Variants in SIPA1L1 observed in about 807,000 individuals in gnomAD.
The protein encoded by SIPA1L1 is signal-induced proliferation-associated 1-like protein 1.
A neutral mutation model predicts 162.7 loss-of-function variants in SIPA1L1; 26 were observed. The observed-to-expected ratio is 0.16, with a 90% CI of 0.12 to 0.22. The LOEUF is 0.22. Ranked by LOEUF, SIPA1L1 falls within the 10% of genes least tolerant of loss-of-function variation. SIPA1L1 has a pLI of 1.00. For missense variants in SIPA1L1, 1,874 were observed against 2,241.0 expected, an observed-to-expected ratio of 0.84 and a Z score of 3.31; for synonymous variants, 829 against 837.4, an observed-to-expected ratio of 0.99 and a Z score of 0.17.
rs2039728354 is a variant in SIPA1L1 at position 71,624,119 on chromosome 14, C to T, written c.1701C>T (p.Gly567=). ...CAGCCAAGCACTCGACAGCCAGAGGCCTGCCTCTCAAAGAAGTGCTGGAGC... is the reference window on the plus strand; with the variant it reads ...CAGCCAAGCACTCGACAGCCAGAGGTCTGCCTCTCAAAGAAGTGCTGGAGC... ...PSTAKHSTAR[G]LPLKEVLEHV... The change falls in exon 7 of 24, where the codon GGC becomes GGT. Residue 567 remains glycine, a synonymous_variant. Coordinates refer to ENST00000381232, the MANE Select transcript of SIPA1L1 (RefSeq NM_001386936.1). The T allele has an allele frequency of 2.5e-6, 4 of 1,614,174 alleles. No homozygotes were observed. The highest frequency in any genetic ancestry group is 1.3e-5 in the African/African-American group (1 of 75,050).
At chr14:71,597,573 T>C (rs1412279500) in intron 5 of SIPA1L1, among the ~76,000 whole-genome samples, 1 of 152,204 alleles carries the variant, frequency 6.6e-6, no homozygotes, top group African/African-American at 2.4e-5. Flanking sequence ...TGTAACCTTG[T>C]ATAGGAAGGT....
intron 13 of SIPA1L1, 38 bp from the exon 14 acceptor site, chr14:71,698,943 T>C: frequency 6.2e-7 from 1 of 1,612,798 alleles, no homozygotes; most frequent in Non-Finnish European, 8.5e-7. Context: ...ATTTTCCCTT[T>C]GAATTGTTGA....
intron 7 of SIPA1L1, among the ~76,000 whole-genome samples, chr14:71,631,165 C>T (rs1393644293): frequency 6.6e-6 from 1 of 152,112 alleles, no homozygotes; most frequent in Non-Finnish European, 1.5e-5. Flanking sequence ...ATTATGGTTT[C>T]CAGCTTCATC....
At chr14:71,672,746 G>A (rs2044663410) in intron 12 of SIPA1L1, 124 bp downstream of exon 12, 1 of 1,063,250 alleles carries the variant, frequency 9.4e-7, no homozygotes. Context: ...ATGTGATGCT[G>A]AATGTTTCAT....
At chr14:71,327,117 T>C (rs1167059492) in intron 2 of SIPA1L1, among the ~76,000 whole-genome samples, 4 of 138,496 alleles carry the variant, frequency 2.9e-5, no homozygotes, top group Non-Finnish European at 6.3e-5. Context: ...GTTTTTGCTC[T>C]TGTCATGCAG....
In SIPA1L1 at chr14:71,365,907, T is replaced by G. The variant is rs6574013; in HGVS notation, c.-465+44726T>G. Among the ~76,000 whole-genome samples the G allele has an allele frequency of 2.1e-3, 288 of 140,004 alleles. 2 individuals carry two copies. Among genetic ancestry groups the G allele is most frequent in the Non-Finnish European group, 2.9e-3 (189 of 64,492 alleles). 91.8% of individuals were successfully genotyped at this position (140,004 alleles called of 152,430 possible). ...TGCCTGGTTAATTTTTTTTTTTTTT[T>G]AAGAGATGGGGTTTTGCCATCTTGC... On this transcript the variant is annotated intron_variant, in intron 2 of 23. Transcript: ENST00000381232.
In SIPA1L1 at chr14:71,624,140, G is replaced by C; in HGVS notation, c.1722G>C (p.Leu574=). ...GAGGCCTGCCTCTCAAAGAAGTGCT[G>C]GAGCACGTGGTTCCTGAGCTCAATG... is the stretch of plus-strand genomic sequence containing the variant. ...TARGLPLKEV[L]EHVVPELNVQ... The change falls in exon 7 of 24, where the codon CTG becomes CTC. Residue 574 remains leucine, a synonymous_variant. Coordinates refer to ENST00000381232, the MANE Select transcript of SIPA1L1 (RefSeq NM_001386936.1). 6.2e-7 allele frequency: 1 copy of C among 1,614,170 alleles called. No individual in the cohort carries two copies. Among genetic ancestry groups the C allele is most frequent in the East Asian group, 2.2e-5 (1 of 44,882 alleles).
chr14:71,402,492 G>T (rs1367257585), intron 2 of SIPA1L1, among the ~76,000 whole-genome samples: 59 of 152,180 alleles, frequency 3.9e-4, no homozygotes, highest in Non-Finnish European at 1.5e-5. Context: ...GGGATTACAG[G>T]TGTGAACCAT....
intron 2 of SIPA1L1, among the ~76,000 whole-genome samples, chr14:71,458,500 C>T (rs1237363215): frequency 1.3e-5 from 2 of 151,952 alleles, no homozygotes; most frequent in African/African-American, 4.8e-5. Flanking sequence ...AGGATTCATC[C>T]CCATTATGAA....
chr14:71,699,797 G>A (rs1193988652), intron 14 of SIPA1L1, among the ~76,000 whole-genome samples: 1 of 152,214 alleles, frequency 6.6e-6, no homozygotes, highest in African/African-American at 2.4e-5. Context: ...AGCCCATTTT[G>A]AGGAAGATAT....
Position 71,705,237 on chromosome 14 carries a change from T to A in SIPA1L1, c.3662T>A (p.Leu1221His). The change falls in exon 16 of 24, where the codon CTC (leucine) becomes CAC (histidine). Residue 1221 changes from leucine to histidine, a missense_variant. Physicochemically the swap from Leu to His is moderately conservative, Grantham distance 99. Around this residue, in one of 5 missense-constraint regions of SIPA1L1, gnomAD observed 936 missense variants for 1,051.9 expected, o/e 0.89. Coordinates refer to ENST00000381232, the MANE Select transcript of SIPA1L1 (RefSeq NM_001386936.1). ...IADQMEPTCHLPAVSKVLPAF... is the reference protein window; with the variant it reads ...IADQMEPTCHHPAVSKVLPAF... Reference sequence around the variant, plus strand: ...TGTATTCCAGAGCCAACATGCCATCTCCCAGCAGTATCAAAGGTACTGCCA... The same window carrying A: ...TGTATTCCAGAGCCAACATGCCATCACCCAGCAGTATCAAAGGTACTGCCA... The A allele has an allele frequency of 6.2e-7, 1 of 1,613,650 alleles. No individual in the cohort carries two copies. Among genetic ancestry groups the A allele is most frequent in the Non-Finnish European group, 8.5e-7 (1 of 1,179,538 alleles).
Position 71,661,348 on chromosome 14 carries a change from A to G in SIPA1L1, c.2136A>G (p.Thr712=). 6.2e-7 allele frequency: 1 copy of G among 1,614,024 alleles called. No individual in the cohort carries two copies. The highest frequency in any genetic ancestry group is 8.5e-7 in the Non-Finnish European group (1 of 1,179,948). ...GGCACATTGGAAATGATATCGTAAC[A>G]ATTGTTTTCCAAGAGCCTGGAGCAC... The part of the protein sequence containing the change: ...RKRHIGNDIV[T]IVFQEPGAQP... Residue 712 remains threonine, a synonymous_variant, in exon 10 of 24, where the codon ACA becomes ACG. Transcript: ENST00000381232.
chr14:71,420,354 T>G (rs553166988), intron 2 of SIPA1L1, among the ~76,000 whole-genome samples: 1 of 152,296 alleles, frequency 6.6e-6, no homozygotes, highest in East Asian at 1.9e-4. Context: ...TCCATGAAGG[T>G]GGCATTATTC....
intron 5 of SIPA1L1, among the ~76,000 whole-genome samples, chr14:71,602,135 T>C (rs1000815241): frequency 3.9e-5 from 6 of 152,186 alleles, no homozygotes; most frequent in Admixed American, 3.3e-4. Context: ...ACTCTTCTAG[T>C]TTCTTGAGGT....
At chr14:71,450,171 A>G (rs1333730875) in intron 2 of SIPA1L1, among the ~76,000 whole-genome samples, 11 of 152,086 alleles carry the variant, frequency 7.2e-5, no homozygotes, top group Admixed American at 7.2e-4. Flanking sequence ...TAGTGTGTTT[A>G]TGTGTTAATA....
Position 71,588,396 on chromosome 14 carries a change from A to G in SIPA1L1, c.524A>G (p.Asn175Ser). ...CTTCGCAGAATACGCCAGCGAAGCA[A>G]CAGTGATATCACCATAAGTGAACTT... The part of the protein sequence containing the change: ...KALRRIRQRS[N>S]SDITISELDV... The change falls in exon 5 of 24, where the codon AAC becomes AGC. Residue 175 changes from asparagine (N) to serine (S), a missense_variant. Transcript: ENST00000381232. The surrounding 1 kb of genome is among the most constrained non-coding windows in gnomAD (Gnocchi z 4.3). The G allele has an allele frequency of 6.2e-7, 1 of 1,614,128 alleles. No homozygotes were observed.
At chr14:71,544,897 T>C (rs1242848262) in intron 4 of SIPA1L1, among the ~76,000 whole-genome samples, 1 of 152,174 alleles carries the variant, frequency 6.6e-6, no homozygotes, top group Non-Finnish European at 1.5e-5. Flanking sequence ...TTTTTTAAAT[T>C]TTTATTTTTT....
At chr14:71,334,833 A>C (rs1204629660) in intron 2 of SIPA1L1, among the ~76,000 whole-genome samples, 1 of 152,088 alleles carries the variant, frequency 6.6e-6, no homozygotes, top group African/African-American at 2.4e-5. Context: ...ATTTGAATCT[A>C]TTGAATTAAA....
chr14:71,419,856 A>G (rs150993221), intron 2 of SIPA1L1, among the ~76,000 whole-genome samples: 9 of 152,110 alleles, frequency 5.9e-5, no homozygotes, highest in African/African-American at 2.2e-4. Context: ...GTGAGACCCC[A>G]TCTCTTAAAA....
Sources: allele counts gnomAD v4.1 joint callset (sites outside exome capture counted in the v4.1 genomes callset), GRCh38; gene constraint gnomAD v4.1.1; regional missense constraint gnomAD v4.1.1; non-coding constraint Gnocchi (gnomAD v3.1); transcripts MANE v1.5; gene names NCBI Gene and HGNC (gene_info 2026-07-23, HGNC 2026-07-21).